PLA2G4A: variants seen among roughly 807,000 people sequenced by gnomAD.
PLA2G4A encodes phospholipase A2 group IVA.
In PLA2G4A, 40 loss-of-function variants were observed where a neutral mutation model predicts 81.9. The observed-to-expected ratio is 0.49, with a 90% CI of 0.38 to 0.64. PLA2G4A has a LOEUF of 0.64. Ranked by LOEUF, PLA2G4A falls within the 30% of genes least tolerant of loss-of-function variation. The pLI, the probability that PLA2G4A is intolerant of heterozygous loss-of-function variation, is 0.00. For missense variants in PLA2G4A, 715 were observed against 905.1 expected (o/e 0.79, Z 2.69); for synonymous variants, 302 against 296.9 (o/e 1.02, Z -0.18).
intron 1 of PLA2G4A, among the ~76,000 whole-genome samples, chr1:186,841,985 A>C (rs1181057925): frequency 6.6e-6 from 1 of 151,890 alleles, no homozygotes; most frequent in Non-Finnish European, 1.5e-5. Context: ...TCCATCTTAA[A>C]GGAGCTATGC....
intron 7 of PLA2G4A, among the ~76,000 whole-genome samples, chr1:186,930,086 C>A (rs1325774582): frequency 5.9e-5 from 9 of 151,850 alleles, no homozygotes; most frequent in Non-Finnish European, 1.0e-4. Flanking sequence ...GAGAGAGAGA[C>A]CCTATCTCAA....
intron 5 of PLA2G4A, among the ~76,000 whole-genome samples, chr1:186,903,400 G>A (rs1654618852): frequency 6.6e-6 from 1 of 152,140 alleles, no homozygotes; most frequent in Non-Finnish European, 1.5e-5. Context: ...TTTGCTATAT[G>A]CATCTTTTTT....
chr1:186,963,019 G>A (rs1657014400), intron 14 of PLA2G4A, among the ~76,000 whole-genome samples: 1 of 152,000 alleles, frequency 6.6e-6, no homozygotes, highest in African/African-American at 2.4e-5. Context: ...CTTTAAAATG[G>A]CTACCTCCTT....
intron 15 of PLA2G4A, among the ~76,000 whole-genome samples, chr1:186,972,337 C>T (rs1657384331): frequency 6.6e-6 from 1 of 151,836 alleles, no homozygotes; most frequent in South Asian, 2.1e-4. Flanking sequence ...TTTAGTGTAC[C>T]ATTAGAGCTC....
At chr1:186,948,656 G>A (rs1217668971) in intron 12 of PLA2G4A, among the ~76,000 whole-genome samples, 2 of 152,154 alleles carry the variant, frequency 1.3e-5, no homozygotes, top group Admixed American at 6.6e-5. Flanking sequence ...TGAAATAACA[G>A]ATCTGAATGT....
chr1:186,977,000 T>TA (rs1388092019), intron 15 of PLA2G4A, among the ~76,000 whole-genome samples: 1 of 152,206 alleles, frequency 6.6e-6, no homozygotes, highest in Non-Finnish European at 1.5e-5. Context: ...GACCATTAAC[T>TA]AAGCCCTTGG....
intron 7 of PLA2G4A, among the ~76,000 whole-genome samples, chr1:186,919,052 TTC>T (rs1168885639): frequency 2.6e-5 from 4 of 152,222 alleles, no homozygotes; most frequent in African/African-American, 9.6e-5. Flanking sequence ...CTGCCATTTT[TTC>T]TCTTTCTGAC....
At chr1:186,893,499 C>A (rs531042896) in intron 4 of PLA2G4A, among the ~76,000 whole-genome samples, 1 of 152,012 alleles carries the variant, frequency 6.6e-6, no homozygotes, top group East Asian at 1.9e-4. Context: ...ATATTTGTAT[C>A]GATTTTCTGC....
intron 3 of PLA2G4A, among the ~76,000 whole-genome samples, chr1:186,889,698 GA>G (rs1436808770): frequency 6.6e-6 from 1 of 151,978 alleles, no homozygotes; most frequent in Non-Finnish European, 1.5e-5. Context: ...TTTTGGGGGG[GA>G]AACCCAATCA....
At chr1:186,919,620 C>CG (rs1018931010) in intron 7 of PLA2G4A, among the ~76,000 whole-genome samples, 9 of 152,116 alleles carry the variant, frequency 5.9e-5, no homozygotes, top group African/African-American at 2.2e-4. Flanking sequence ...TTGGGGAAGC[C>CG]GGGTCCAAGT....
rs1176001477 is a variant in PLA2G4A at position 186,893,177 on chromosome 1, A to G, written c.264+18A>G. 1 of 1,598,122 alleles carries G rather than the reference A, an allele frequency of 6.3e-7. No homozygotes were observed. The highest frequency in any genetic ancestry group is 2.2e-5 in the East Asian group (1 of 44,712). On this transcript the variant is annotated intron_variant, in intron 4 of 17. Transcript: ENST00000367466. ...TTTTGGAGGTAAGTGAACCATTTGGATGCTGTTAGATGGTTGTGATTCATG... is the reference window on the plus strand; with the variant it reads ...TTTTGGAGGTAAGTGAACCATTTGGGTGCTGTTAGATGGTTGTGATTCATG...
intron 5 of PLA2G4A, among the ~76,000 whole-genome samples, chr1:186,895,741 C>T (rs1654312562): frequency 6.6e-6 from 1 of 152,170 alleles, no homozygotes; most frequent in Admixed American, 6.5e-5. Context: ...GGGATGCCTC[C>T]ATAGCAGTAG....
intron 2 of PLA2G4A, among the ~76,000 whole-genome samples, chr1:186,868,508 G>T (rs115266095): frequency 3.3e-5 from 5 of 152,166 alleles, no homozygotes; most frequent in Admixed American, 3.3e-4. Flanking sequence ...TCTGGTTTTG[G>T]AATTAGGGTA....
intron 1 of PLA2G4A, among the ~76,000 whole-genome samples, chr1:186,831,677 A>G (rs1308721341): frequency 6.6e-6 from 1 of 152,196 alleles, no homozygotes; most frequent in East Asian, 1.9e-4. Context: ...ATTTCATTAA[A>G]TATAGAAAAT....
chr1:186,939,442 T>C (rs1325506298), intron 9 of PLA2G4A, among the ~76,000 whole-genome samples: 1 of 151,452 alleles, frequency 6.6e-6, no homozygotes, highest in Non-Finnish European at 1.5e-5. Flanking sequence ...ATTTCAATGA[T>C]GTAAAGATTT....
intron 3 of PLA2G4A, among the ~76,000 whole-genome samples, chr1:186,892,202 A>G (rs1374819961): frequency 6.6e-6 from 1 of 152,054 alleles, no homozygotes; most frequent in Non-Finnish European, 1.5e-5. Flanking sequence ...TTCTTGTCAG[A>G]TGGGTAGTTT....
chr1:186,982,685 G>A lies in PLA2G4A; in HGVS notation c.2118+3213G>A, dbSNP rs112125904. Among the ~76,000 whole-genome samples, 63 of 149,270 alleles carry A rather than the reference G, an allele frequency of 4.2e-4. 1 individual carries two copies. In the East Asian group the frequency reaches 1.0e-2, roughly 24 times the overall value. Reference sequence around the variant, plus strand: ...GTAACTCCTCTTTGTGTGTGTGTGCGTGTGTGTGTGTGTGTGTGTTTCATA... The same window carrying A: ...GTAACTCCTCTTTGTGTGTGTGTGCATGTGTGTGTGTGTGTGTGTTTCATA... On this transcript the variant is annotated intron_variant, in intron 17 of 17. Transcript: ENST00000367466.
Position 186,981,162 on chromosome 1 carries a change from T to G in PLA2G4A, c.2118+1690T>G, listed in dbSNP as rs147727774. Among the ~76,000 whole-genome samples the G allele has an allele frequency of 2.0e-3, 306 of 152,008 alleles. 8 individuals are homozygous for G. In the East Asian group the frequency reaches 0.036, roughly 18 times the overall value. On this transcript the variant is annotated intron_variant, in intron 17 of 17. Coordinates refer to ENST00000367466, the MANE Select transcript of PLA2G4A (RefSeq NM_024420.3). ...ACCCTAGTTTTCCAGTATGAGCCAA[T>G]AAACTCAAAACTACACATTCCTTGG...
intron 6 of PLA2G4A, among the ~76,000 whole-genome samples, chr1:186,908,724 A>G (rs1471564915): frequency 2.6e-5 from 4 of 151,914 alleles, no homozygotes; most frequent in Non-Finnish European, 5.9e-5. Context: ...TTATTTATAT[A>G]AGCACAGATG....
Sources: gnomAD v4.1 joint callset for allele counts (sites outside exome capture counted in the v4.1 genomes callset) on GRCh38, gnomAD v4.1.1 for gene constraint, MANE v1.5 for transcripts, NCBI Gene and HGNC (gene_info 2026-07-23, HGNC 2026-07-21) for gene names.